The following GART variants were observed in gnomAD, a reference collection of about 807,000 sequenced individuals.
GART encodes trifunctional purine biosynthetic protein adenosine-3.
GART carries 43 observed loss-of-function variants against 107.2 expected under a neutral mutation model. The ratio of observed to expected loss-of-function variants is 0.40; its 90% CI spans 0.31 to 0.52. The LOEUF is 0.52. Ranked by LOEUF, GART falls within the 20% of genes least tolerant of loss-of-function variation. The probability of loss-of-function intolerance (pLI) is 0.52; values close to 1 mark genes in which losing one functional copy is unlikely to be tolerated. For missense variants in GART, 1,107 were observed against 1,206.5 expected (o/e 0.92, Z 1.22); for synonymous variants, 434 against 427.0 (o/e 1.02, Z -0.20).
intron 18 of GART, among the ~76,000 whole-genome samples, chr21:33,508,229 G>A (rs1161168143): frequency 1.3e-5 from 2 of 151,986 alleles, no homozygotes; most frequent in Non-Finnish European, 2.9e-5. Flanking sequence ...ATAACATTAT[G>A]TTAAAACTGA....
chr21:33,518,221 G>A (rs899561623), intron 14 of GART, among the ~76,000 whole-genome samples: 3 of 152,320 alleles, frequency 2.0e-5, no homozygotes, highest in Non-Finnish European at 4.4e-5. Flanking sequence ...CGTGGCTCAC[G>A]CCTGTAATCC....
At chr21:33,538,778 G>A (rs538371686) in intron 2 of GART, among the ~76,000 whole-genome samples, 71 of 152,022 alleles carry the variant, frequency 4.7e-4, no homozygotes, top group Non-Finnish European at 9.4e-4. Flanking sequence ...CTGAATAGTA[G>A]TCTATATTTT....
At chr21:33,522,100 T>C in intron 12 of GART, 88 bp downstream of exon 12, 2 of 1,010,588 alleles carry the variant, frequency 2.0e-6, no homozygotes. Flanking sequence ...AGCATTGCTT[T>C]GGAAAATATT....
chr21:33,533,210 C>T lies in GART; in HGVS notation c.417-754G>A, dbSNP rs112734175. On this transcript the variant is annotated intron_variant, in intron 4 of 21. Transcript: ENST00000381815. ...ATCCCAGCACTTTGGGAGGCCGAGG[C>T]GGGCGGATCACGAGGTCAGGAGATC... Among the ~76,000 whole-genome samples the T allele has an allele frequency of 4.5e-3, 667 of 149,794 alleles. 1 individual carries two copies. The highest frequency in any genetic ancestry group is 7.2e-3 in the Non-Finnish European group (482 of 67,180).
At position 33,504,027 on chromosome 21, in the gene GART, A is replaced by C; in HGVS notation, c.*97T>G. 1 of 1,121,300 alleles carries C rather than the reference A, an allele frequency of 8.9e-7. No individual in the cohort carries two copies. The highest frequency in any genetic ancestry group is 1.6e-5 in the African/African-American group (1 of 64,002). 69.5% of individuals were successfully genotyped at this position (1,121,300 alleles called of 1,614,324 possible). ...AAGGGTGAGGTCTTTTTTGTCTTTT[A>C]GCAGTTTTTCTTTTGGGCCAAGTCC... On this transcript the variant is annotated 3_prime_UTR_variant, in exon 22 of 22. Coordinates refer to ENST00000381815, the MANE Select transcript of GART (RefSeq NM_000819.5).
Position 33,535,209 on chromosome 21 carries a change from C to A in GART, c.241+16G>T. The A allele has an allele frequency of 6.6e-7, 1 of 1,515,806 alleles. No homozygotes were observed. Among genetic ancestry groups the A allele is most frequent in the South Asian group, 1.2e-5 (1 of 80,686 alleles). The allele number at this position is 1,515,806 out of a possible 1,614,324, so 93.9% of individuals were successfully genotyped here. On this transcript the variant is annotated intron_variant, in intron 3 of 21. Transcript: ENST00000381815. The stretch of plus-strand genomic sequence containing the variant: ...GCACTGAATATACTGTAACAATAAA[C>A]AGAAACAAACTTTACCAGCAGCCAG...
chr21:33,506,028 G>C lies in GART; in HGVS notation c.2529C>G (p.Asn843Lys). ...SSAQIDIVIS[N>K]KAAVAGLDKA... The stretch of plus-strand genomic sequence containing the variant: ...TATCTAACCCAGCTACTGCGGCTTT[G>C]TTGGAGATAACAATATCAATTTGTG... Residue 843 changes from asparagine (N) to lysine (K), a missense_variant, in exon 19 of 22, where the codon AAC (asparagine) becomes AAG (lysine). Asn to Lys is a moderately conservative substitution (Grantham distance 94). Coordinates refer to ENST00000381815, the MANE Select transcript of GART (RefSeq NM_000819.5). 6.2e-7 allele frequency: 1 copy of C among 1,614,160 alleles called. No homozygotes were observed. Among genetic ancestry groups the C allele is most frequent in the South Asian group, 1.1e-5 (1 of 91,092 alleles).
chr21:33,531,569 A>ATTTTT lies in GART; in HGVS notation c.529-17_529-13dup. 2.1e-6 allele frequency: 3 copies of ATTTTT among 1,412,192 alleles called. No individual in the cohort carries two copies. Among genetic ancestry groups the ATTTTT allele is most frequent in the Non-Finnish European group, 2.8e-6 (3 of 1,058,508 alleles). 87.5% of individuals were successfully genotyped at this position (1,412,192 alleles called of 1,614,324 possible). On this transcript the variant is annotated splice_polypyrimidine_tract_variant and intron_variant, in intron 5 of 21. Transcript: ENST00000381815. ...CCAAAGGCTTTCTCCTGATTGTAAG[A>ATTTTT]TTTTTTTTTTTTTTTTTTTTAAAAA...
intron 1 of GART, among the ~76,000 whole-genome samples, chr21:33,540,052 G>A (rs780206857): frequency 5.3e-5 from 8 of 152,036 alleles, no homozygotes; most frequent in Non-Finnish European, 1.2e-4. Context: ...AGATAATTAG[G>A]TTATCATAAA....
intron 14 of GART, 58 bp downstream of exon 14, chr21:33,520,296 CATTTTTACAT>C: frequency 7.0e-7 from 1 of 1,424,072 alleles, no homozygotes; most frequent in East Asian, 2.3e-5. Flanking sequence ...GCACTGATCA[CATTTTTACAT>C]AGGGCTAAAA....
chr21:33,524,642 C>G, intron 11 of GART, 127 bp downstream of exon 11: 1 of 1,463,072 alleles, frequency 6.8e-7, no homozygotes, highest in Non-Finnish European at 9.0e-7. Context: ...AAATACAAAC[C>G]AAGACTGTAT....
Position 33,517,133 on chromosome 21 carries a change from G to T in GART, c.1963C>A (p.Leu655Ile). ...GCGDQTLGDL[L>I]LTPTRIYSHS... ...CTGTAGATTCTGGTAGGCGTGAGAAGTAAGTCCCCTGCATGTTGAAGAGAG... is the reference window on the plus strand; with the variant it reads ...CTGTAGATTCTGGTAGGCGTGAGAATTAAGTCCCCTGCATGTTGAAGAGAG... The change falls in exon 16 of 22, where the codon CTT becomes ATT. Residue 655 changes from leucine to isoleucine, a missense_variant. By Grantham distance (5) the Leu-to-Ile change is conservative. Transcript: ENST00000381815. The T allele has an allele frequency of 6.2e-7, 1 of 1,606,084 alleles. No homozygotes were observed. The highest frequency in any genetic ancestry group is 2.2e-5 in the East Asian group (1 of 44,850).
chr21:33,510,459 A>G (rs569081756), intron 17 of GART: 15 of 153,192 alleles, frequency 9.8e-5, no homozygotes, highest in Admixed American at 9.8e-4. Flanking sequence ...CCTCCCGAGT[A>G]GCTGGGACTA....
At chr21:33,535,825 C>T (rs763080987) in intron 2 of GART, among the ~76,000 whole-genome samples, 73 of 152,108 alleles carry the variant, frequency 4.8e-4, no homozygotes, top group Admixed American at 1.3e-3. Flanking sequence ...GTCAGGAGTT[C>T]GAGACCAGCC....
rs1247939119 is a variant in GART, at chr21:33,504,517, G to T, written c.2736C>A (p.Leu912=). 3.7e-6 allele frequency: 6 copies of T among 1,609,558 alleles called. No individual in the cohort carries two copies. Among genetic ancestry groups the T allele is most frequent in the Non-Finnish European group, 5.1e-6 (6 of 1,177,036 alleles). ...PFVQKWNGKM[L]NIHPSLLPSF... The stretch of plus-strand genomic sequence containing the variant: ...AAGGGAGCAAGGATGGGTGGATATT[G>T]AGCATTTTTCCTAAAAATTAAAAAA... Residue 912 remains leucine (L), a synonymous_variant, in exon 21 of 22, where the codon CTC becomes CTA. Transcript: ENST00000381815.
At chr21:33,515,993 A>C (rs2084870427) in intron 16 of GART, among the ~76,000 whole-genome samples, 1 of 152,030 alleles carries the variant, frequency 6.6e-6, no homozygotes, top group Non-Finnish European at 1.5e-5. Context: ...CATGCCTGTA[A>C]TCCCAGTACT....
At chr21:33,511,170 A>G in intron 17 of GART, 82 bp downstream of exon 17, 2 of 1,446,884 alleles carry the variant, frequency 1.4e-6, no homozygotes, top group South Asian at 1.1e-5. Flanking sequence ...AGGTGGGCAG[A>G]AAGCTTGTGA....
In GART at chr21:33,528,927, T is replaced by G. The variant is rs376223183; in HGVS notation, c.734A>C (p.Asp245Ala). 2 of 1,610,218 alleles carry G rather than the reference T, an allele frequency of 1.2e-6. No homozygotes were observed. Among genetic ancestry groups the G allele is most frequent in the African/African-American group, 2.7e-5 (2 of 74,850 alleles). Residue 245 changes from aspartate (D) to alanine (A), a missense_variant, in exon 8 of 22, where the codon GAT (aspartate) becomes GCT (alanine). Asp to Ala is a moderately radical substitution (Grantham distance 126, BLOSUM62 -2). Coordinates refer to ENST00000381815, the MANE Select transcript of GART (RefSeq NM_000819.5). The stretch of plus-strand genomic sequence containing the variant: ...AGTATCTTTAATTTTTAGTAATAGA[T>G]CATTAGAAACCTGGAGAACGTGCAG... ...AYCPAPQVSN[D>A]LLLKIKDTVL... is the part of the protein sequence containing the mutation.
chr21:33,517,606 C>T lies in GART; in HGVS notation c.1705G>A (p.Gly569Ser). Residue 569 changes from glycine to serine, a missense_variant and splice_region_variant, in exon 15 of 22, where the codon GGT becomes AGT. Coordinates refer to ENST00000381815, the MANE Select transcript of GART (RefSeq NM_000819.5). ...CGKAGCALLG[G>S]ETAEMPDMYP... is the part of the protein sequence containing the mutation. ...ATGTCAGGCATTTCTGCTGTTTCACCTCCTGGTGGGATAAGACAAGAACAA... is the reference window on the plus strand; with the variant it reads ...ATGTCAGGCATTTCTGCTGTTTCACTTCCTGGTGGGATAAGACAAGAACAA... The T allele has an allele frequency of 1.2e-6, 2 of 1,614,140 alleles. No homozygotes were observed. Among genetic ancestry groups the T allele is most frequent in the Non-Finnish European group, 8.5e-7 (1 of 1,179,996 alleles).
Sources: allele counts gnomAD v4.1 joint callset (sites outside exome capture counted in the v4.1 genomes callset), GRCh38; gene constraint gnomAD v4.1.1; transcripts MANE v1.5; gene names NCBI Gene and HGNC (gene_info 2026-07-23, HGNC 2026-07-21).